The following HPSE2 variants were observed in gnomAD, a reference collection of about 807,000 sequenced individuals.
The protein encoded by HPSE2 is inactive heparanase-2.
In HPSE2, 38 loss-of-function variants were observed where a neutral mutation model predicts 60.5. The ratio of observed to expected loss-of-function variants is 0.63; its 90% CI spans 0.48 to 0.82. HPSE2 has a LOEUF of 0.82. Among genes scored for constraint, HPSE2 ranks in the 40% least tolerant of loss-of-function variants. HPSE2 has a pLI of 0.00. For missense variants in HPSE2, 713 were observed against 740.4 expected, an observed-to-expected ratio of 0.96 and a Z score of 0.43; for synonymous variants, 295 against 293.2, an observed-to-expected ratio of 1.01 and a Z score of -0.06.
intron 3 of HPSE2, among the ~76,000 whole-genome samples, chr10:99,133,714 A>T (rs951337963): frequency 2.6e-5 from 4 of 152,152 alleles, no homozygotes; most frequent in African/African-American, 9.7e-5. Context: ...ACCCCATCCA[A>T]AGGTCACCAA....
chr10:98,971,713 T>C lies in HPSE2; in HGVS notation c.610+172525A>G, dbSNP rs1955958311. 2.6e-5 allele frequency among the ~76,000 whole-genome samples: 4 copies of C among 152,144 alleles called. No homozygotes were observed. The South Asian group carries it at 8.3e-4, about 32-fold the overall frequency. ...ATTCTCCTTGAAATGAACATCCAGA[T>C]TGTCACAACTCCCCACCACAAATAA... On this transcript the variant is annotated intron_variant, in intron 3 of 11. Transcript: ENST00000370552.
At chr10:98,934,660 G>T (rs1402146283) in intron 3 of HPSE2, among the ~76,000 whole-genome samples, 1 of 144,056 alleles carries the variant, frequency 6.9e-6, no homozygotes, top group Non-Finnish European at 1.5e-5. Context: ...TTAGTGTCAT[G>T]GGCTTCCCTT....
intron 3 of HPSE2, among the ~76,000 whole-genome samples, chr10:99,072,695 G>A (rs1427654003): frequency 6.6e-6 from 1 of 152,132 alleles, no homozygotes; most frequent in Non-Finnish European, 1.5e-5. Flanking sequence ...GGAGGCCAAG[G>A]CGGGTGGATA....
chr10:98,561,907 TTAGTG>T (rs1466750633), intron 9 of HPSE2, among the ~76,000 whole-genome samples: 4 of 152,032 alleles, frequency 2.6e-5, no homozygotes, highest in Admixed American at 1.3e-4. Context: ...TTAAATAACT[TTAGTG>T]TAGTGTAAGT....
intron 2 of HPSE2, among the ~76,000 whole-genome samples, chr10:99,225,427 T>C (rs1165086550): frequency 6.6e-6 from 1 of 152,008 alleles, no homozygotes; most frequent in Non-Finnish European, 1.5e-5. Context: ...ACTCAATGAG[T>C]AAATAAATGA....
intron 3 of HPSE2, among the ~76,000 whole-genome samples, chr10:99,127,418 C>T (rs758003304): frequency 5.3e-5 from 8 of 151,980 alleles, no homozygotes; most frequent in East Asian, 1.9e-4. Flanking sequence ...AAGAGGCTTT[C>T]GAATTAACCC....
chr10:98,983,804 C>T (rs998715418), intron 3 of HPSE2, among the ~76,000 whole-genome samples: 10 of 152,218 alleles, frequency 6.6e-5, no homozygotes, highest in Non-Finnish European at 1.5e-4. Context: ...TAATACTGTG[C>T]TTTTCCAACA....
the HPSE2 span, among the ~76,000 whole-genome samples, chr10:99,265,619 G>A: frequency 6.6e-6 from 1 of 152,196 alleles, no homozygotes; most frequent in African/African-American, 2.4e-5. Context: ...AGCGAAAAAT[G>A]GTGGATATGA....
At chr10:99,205,497 G>C (rs895753017) in intron 2 of HPSE2, among the ~76,000 whole-genome samples, 2 of 152,020 alleles carry the variant, frequency 1.3e-5, no homozygotes, top group African/African-American at 4.8e-5. Flanking sequence ...CATGAGAATC[G>C]CTTGAACCCG....
At chr10:98,605,504 A>T (rs143012948) in intron 9 of HPSE2, among the ~76,000 whole-genome samples, 7 of 152,332 alleles carry the variant, frequency 4.6e-5, no homozygotes, top group African/African-American at 1.7e-4. Context: ...AGTATAATAA[A>T]CCACCAAATG....
intron 3 of HPSE2, among the ~76,000 whole-genome samples, chr10:98,871,140 C>CA (rs373208673): frequency 4.6e-5 from 7 of 152,096 alleles, no homozygotes; most frequent in African/African-American, 1.2e-4. Context: ...TGTAAATTAC[C>CA]CAGTCTCGAG....
intron 3 of HPSE2, among the ~76,000 whole-genome samples, chr10:98,999,328 C>A (rs890677953): frequency 6.6e-6 from 1 of 152,126 alleles, no homozygotes; most frequent in African/African-American, 2.4e-5. Flanking sequence ...TCAGATGCAA[C>A]AAACATTTGT....
intron 11 of HPSE2, among the ~76,000 whole-genome samples, chr10:98,478,503 G>A (rs1009716867): frequency 6.6e-6 from 1 of 152,194 alleles, no homozygotes; most frequent in Non-Finnish European, 1.5e-5. Flanking sequence ...GCACCTCTGA[G>A]ATGGCTGCTC....
chr10:99,029,884 T>C (rs1371784037), intron 3 of HPSE2, among the ~76,000 whole-genome samples: 1 of 152,204 alleles, frequency 6.6e-6, no homozygotes, highest in Non-Finnish European at 1.5e-5. Flanking sequence ...GGAGACTCCC[T>C]TTCCCAGTCT....
chr10:98,699,628 G>A lies in HPSE2; in HGVS notation c.957-5681C>T, dbSNP rs1175279825. Among the ~76,000 whole-genome samples the A allele has an allele frequency of 2.4e-5, 3 of 123,588 alleles. 1 individual carries two copies. Among genetic ancestry groups the A allele is most frequent in the Non-Finnish European group, 5.2e-5 (3 of 57,268 alleles). 81.1% of individuals were successfully genotyped at this position (123,588 alleles called of 152,430 possible). On this transcript the variant is annotated intron_variant, in intron 5 of 11. Coordinates refer to ENST00000370552, the MANE Select transcript of HPSE2 (RefSeq NM_021828.5). ...ACCACTCCTATTCAACATAGTGTTG[G>A]AAGTTCTGGCCAGGGCAATTAGGCA...
chr10:98,958,467 T>C (rs1955564324), intron 3 of HPSE2, among the ~76,000 whole-genome samples: 1 of 152,112 alleles, frequency 6.6e-6, no homozygotes, highest in Non-Finnish European at 1.5e-5. Context: ...ATGATAATGA[T>C]TATTATGCAT....
At chr10:98,988,216 G>A (rs1163129471) in intron 3 of HPSE2, among the ~76,000 whole-genome samples, 1 of 152,240 alleles carries the variant, frequency 6.6e-6, no homozygotes, top group Non-Finnish European at 1.5e-5. Context: ...AACAAAGCTG[G>A]AGGCATCATG....
chr10:98,870,672 C>T (rs1952708170), intron 3 of HPSE2, among the ~76,000 whole-genome samples: 1 of 152,114 alleles, frequency 6.6e-6, no homozygotes, highest in African/African-American at 2.4e-5. Flanking sequence ...GTTAAGTGAC[C>T]TTAGGAAAGT....
chr10:99,094,221 C>T (rs1355660463), intron 3 of HPSE2, among the ~76,000 whole-genome samples: 1 of 151,552 alleles, frequency 6.6e-6, no homozygotes, highest in Non-Finnish European at 1.5e-5. Flanking sequence ...CAGGGTTTGT[C>T]GTCGTTCACG....
Sources: allele counts gnomAD v4.1 joint callset (sites outside exome capture counted in the v4.1 genomes callset), GRCh38; gene constraint gnomAD v4.1.1; transcripts MANE v1.5; gene names NCBI Gene and HGNC (gene_info 2026-07-23, HGNC 2026-07-21).